ENTPD3: variants seen among roughly 807,000 people sequenced by gnomAD.
ENTPD3 encodes ectonucleoside triphosphate diphosphohydrolase 3.
A neutral mutation model predicts 51.2 loss-of-function variants in ENTPD3; 60 were observed. The ratio of observed to expected loss-of-function variants is 1.17; its 90% CI spans 0.95 to 1.45. The LOEUF (loss-of-function observed/expected upper bound fraction) is 1.45, where lower values mean the gene tolerates loss of function less well. Ranked by LOEUF, ENTPD3 falls within the 40% of genes most tolerant of loss-of-function variation. ENTPD3 has a pLI of 0.00. For synonymous variants in ENTPD3, 221 were observed against 238.4 expected (o/e 0.93, Z 0.67); for missense variants, 593 against 641.1 (o/e 0.93, Z 0.81).
At chr3:40,401,730 T>C (rs985799620) in intron 4 of ENTPD3, among the ~76,000 whole-genome samples, 2 of 152,214 alleles carry the variant, frequency 1.3e-5, no homozygotes, top group African/African-American at 4.8e-5. Flanking sequence ...TAATTCTTCC[T>C]GTAAATTTTT....
chr3:40,406,845 C>G (rs1169548151), intron 4 of ENTPD3, among the ~76,000 whole-genome samples: 1 of 152,142 alleles, frequency 6.6e-6, no homozygotes, highest in Admixed American at 6.6e-5. Context: ...AAGCATTGTA[C>G]AATGCACAGA....
At position 40,388,581 on chromosome 3, in the gene ENTPD3, CACAG is replaced by C. The variant is rs1362208266; in HGVS notation, c.40+488_40+491del. On this transcript the variant is annotated intron_variant, in intron 2 of 10. Coordinates refer to ENST00000301825, the MANE Select transcript of ENTPD3 (RefSeq NM_001248.4). The stretch of plus-strand genomic sequence containing the variant: ...TTTCTCACACTGGAAGGCACACACA[CACAG>C]ACACACACACACACACACACACACA... Among the ~76,000 whole-genome samples the C allele has an allele frequency of 1.5e-3, 97 of 64,180 alleles. 1 individual carries two copies. In the South Asian group the frequency reaches 0.018, roughly 12 times the overall value. The allele number at this position is 64,180 out of a possible 152,430, so 42.1% of individuals were successfully genotyped here.
intron 4 of ENTPD3, among the ~76,000 whole-genome samples, chr3:40,405,466 C>G (rs1433618933): frequency 2.6e-5 from 4 of 151,628 alleles, no homozygotes; most frequent in African/African-American, 9.7e-5. Flanking sequence ...AATCATGCCA[C>G]TGCACTCCAG....
chr3:40,401,878 C>A (rs1311400399), intron 4 of ENTPD3, among the ~76,000 whole-genome samples: 1 of 152,182 alleles, frequency 6.6e-6, no homozygotes, highest in African/African-American at 2.4e-5. Context: ...ATCCGCCATG[C>A]AGCTCCCTGT....
rs749845485 is a variant in ENTPD3 at position 40,427,294 on chromosome 3, G to A, written c.1376G>A (p.Trp459Ter). The change falls in exon 11 of 11, where the codon TGG becomes TAG. Residue 459 changes from tryptophan (W) to a stop codon, truncating the protein, a stop_gained. Transcript: ENST00000301825. LOFTEE classifies it low-confidence loss of function (END_TRUNC). ...EKEVGNSSIA[W>*]SLGYMLSLTN... ...CAGGTGGGGAATAGCAGCATAGCCT[G>A]GTCTCTTGGCTACATGCTCAGCCTG... 5.0e-6 allele frequency: 8 copies of A among 1,613,900 alleles called. No homozygotes were observed. The East Asian group carries it at 1.6e-4, about 31-fold the overall frequency.
At position 40,392,167 on chromosome 3, in the gene ENTPD3, T is replaced by C. The variant is rs1260804383; in HGVS notation, c.168+17T>C. 6.2e-7 allele frequency: 1 copy of C among 1,612,304 alleles called. No individual in the cohort carries two copies. The highest frequency in any genetic ancestry group is 1.3e-5 in the African/African-American group (1 of 74,886). On this transcript the variant is annotated intron_variant, in intron 3 of 10. Coordinates refer to ENST00000301825, the MANE Select transcript of ENTPD3 (RefSeq NM_001248.4). The stretch of plus-strand genomic sequence containing the variant: ...GGACTGAAGGTAAGTGTGAAGGGAC[T>C]GGCAACAAAGGGAAGAAATGAGCAT...
chr3:40,421,362 T>C (rs1025272607), intron 7 of ENTPD3, among the ~76,000 whole-genome samples: 2 of 152,178 alleles, frequency 1.3e-5, no homozygotes, highest in African/African-American at 4.8e-5. Flanking sequence ...CAGTATGCCT[T>C]AGTGGCTTAA....
intron 9 of ENTPD3, 58 bp from the exon 10 acceptor site, chr3:40,423,768 G>A: frequency 6.3e-7 from 1 of 1,588,710 alleles, no homozygotes; most frequent in East Asian, 2.3e-5. Context: ...TTAACCCAAG[G>A]TGTTCATTTT....
intron 3 of ENTPD3, among the ~76,000 whole-genome samples, chr3:40,395,453 TC>T: frequency 6.6e-6 from 1 of 152,172 alleles, no homozygotes; most frequent in East Asian, 1.9e-4. Flanking sequence ...AAGTAGATCA[TC>T]TGGGGATGAT....
At position 40,411,811 on chromosome 3, in the gene ENTPD3, G is replaced by T; in HGVS notation, c.287-1G>T. 6.4e-7 allele frequency: 1 copy of T among 1,570,286 alleles called. No homozygotes were observed. Among genetic ancestry groups the T allele is most frequent in the African/African-American group, 1.4e-5 (1 of 73,270 alleles). On this transcript the variant is annotated splice_acceptor_variant, in intron 4 of 10. Coordinates refer to ENST00000301825, the MANE Select transcript of ENTPD3 (RefSeq NM_001248.4). LOFTEE classifies it high-confidence loss of function. ...ACAGATGCTGACTGCTTGCTTTTCA[G>T]GCTCTGGAATCTCCAGCTATGGAAA... is the stretch of plus-strand genomic sequence containing the variant.
intron 10 of ENTPD3, chr3:40,424,295 A>C (rs981605836): frequency 5.5e-6 from 2 of 365,640 alleles, no homozygotes; most frequent in African/African-American, 4.4e-5. Context: ...TGTTGGTTGA[A>C]TTCATAAATA....
At chr3:40,406,056 C>T (rs553353321) in intron 4 of ENTPD3, among the ~76,000 whole-genome samples, 3 of 152,134 alleles carry the variant, frequency 2.0e-5, no homozygotes, top group African/African-American at 4.8e-5. Flanking sequence ...AAAAAATAAA[C>T]GGGCATATAA....
intron 3 of ENTPD3, among the ~76,000 whole-genome samples, chr3:40,393,503 A>T (rs185645824): frequency 5.3e-5 from 8 of 152,238 alleles, no homozygotes; most frequent in Middle Eastern, 3.4e-3. Flanking sequence ...ATTGTTTTGG[A>T]CTCTAAGGAT....
intron 4 of ENTPD3, among the ~76,000 whole-genome samples, chr3:40,404,991 GC>G (rs1248942364): frequency 6.6e-6 from 1 of 152,152 alleles, no homozygotes; most frequent in African/African-American, 2.4e-5. Flanking sequence ...TTGTGGTGAA[GC>G]CACCTCCTGG....
intron 2 of ENTPD3, chr3:40,391,367 T>A (rs1955051495): frequency 6.6e-6 from 1 of 152,150 alleles, no homozygotes; most frequent in Non-Finnish European, 1.5e-5. Context: ...AAAAATAGAT[T>A]TTTTGAATCT....
chr3:40,393,191 C>T (rs1955105015), intron 3 of ENTPD3, among the ~76,000 whole-genome samples: 1 of 152,110 alleles, frequency 6.6e-6, no homozygotes, highest in Admixed American at 6.5e-5. Flanking sequence ...ATGAGTCCTT[C>T]AATCATTTTG....
At chr3:40,390,394 C>G (rs927287223) in intron 2 of ENTPD3, among the ~76,000 whole-genome samples, 3 of 152,064 alleles carry the variant, frequency 2.0e-5, no homozygotes, top group African/African-American at 7.2e-5. Flanking sequence ...GACGGGGTCT[C>G]ACTATGTGGC....
intron 3 of ENTPD3, among the ~76,000 whole-genome samples, chr3:40,397,451 A>G (rs990571231): frequency 1.1e-4 from 16 of 152,022 alleles, no homozygotes; most frequent in African/African-American, 3.9e-4. Context: ...GATCTTGGGC[A>G]TTTACTTACT....
chr3:40,392,984 C>G (rs1166047496), intron 3 of ENTPD3, among the ~76,000 whole-genome samples: 5 of 151,232 alleles, frequency 3.3e-5, no homozygotes, highest in Non-Finnish European at 7.4e-5. Flanking sequence ...ACAACACCCC[C>G]CCGGCAAAAA....
Sources: allele counts gnomAD v4.1 joint callset (sites outside exome capture counted in the v4.1 genomes callset), GRCh38; gene constraint gnomAD v4.1.1; transcripts MANE v1.5; gene names NCBI Gene and HGNC (gene_info 2026-07-23, HGNC 2026-07-21).